NTM: variants seen among roughly 807,000 people sequenced by gnomAD.
NTM encodes the protein IgLON family member 2.
A neutral mutation model predicts 42.1 loss-of-function variants in NTM; 13 were observed. That is an observed-to-expected ratio of 0.31 (90% CI 0.20 to 0.49). The LOEUF is 0.49. Among genes scored for constraint, NTM ranks in the 20% least tolerant of loss-of-function variants. The probability of loss-of-function intolerance (pLI) is 0.99; values close to 1 mark genes in which losing one functional copy is unlikely to be tolerated. For synonymous variants in NTM, 187 were observed against 179.2 expected, an observed-to-expected ratio of 1.04 and a Z score of -0.35; for missense variants, 373 against 452.8, an observed-to-expected ratio of 0.82 and a Z score of 1.60.
intron 1 of NTM, among the ~76,000 whole-genome samples, chr11:131,600,354 A>C (rs1198233521): frequency 6.6e-6 from 1 of 152,246 alleles, no homozygotes; most frequent in Non-Finnish European, 1.5e-5. Flanking sequence ...GCTCCTGTGC[A>C]GTCTATTTGC....
chr11:132,144,292 C>T (rs2069841165), intron 2 of NTM, among the ~76,000 whole-genome samples: 1 of 152,190 alleles, frequency 6.6e-6, no homozygotes, highest in African/African-American at 2.4e-5. Context: ...ATCCAAGGCC[C>T]TACCTCAGAC....
intron 1 of NTM, among the ~76,000 whole-genome samples, chr11:131,431,932 G>T (rs1948687810): frequency 6.6e-6 from 1 of 152,126 alleles, no homozygotes; most frequent in African/African-American, 2.4e-5. Flanking sequence ...AAACTTCCCT[G>T]TTTGGAGTGG....
intron 1 of NTM, among the ~76,000 whole-genome samples, chr11:131,889,136 A>G (rs2050853941): frequency 6.6e-6 from 1 of 152,210 alleles, no homozygotes. Context: ...ATGATGGTTC[A>G]TCTCCCAAAA....
At chr11:131,582,878 C>T (rs919594918) in intron 1 of NTM, among the ~76,000 whole-genome samples, 1 of 152,118 alleles carries the variant, frequency 6.6e-6, no homozygotes, top group Non-Finnish European at 1.5e-5. Context: ...GTGAGTCCCA[C>T]GGAATCCCGC....
At chr11:131,833,477 C>T (rs771674250) in intron 1 of NTM, among the ~76,000 whole-genome samples, 9 of 152,180 alleles carry the variant, frequency 5.9e-5, no homozygotes, top group Non-Finnish European at 1.3e-4. Flanking sequence ...TATGCCTTCC[C>T]TAAGGTCACA....
At chr11:131,994,268 C>T (rs1419013536) in intron 2 of NTM, among the ~76,000 whole-genome samples, 2 of 152,022 alleles carry the variant, frequency 1.3e-5, no homozygotes, top group African/African-American at 4.8e-5. Flanking sequence ...ACTTCTTTTG[C>T]AGTCAATGAG....
rs567558603 is a variant in NTM at position 132,316,128 on chromosome 11, C to T, written c.934+1425C>T. 3.7e-3 allele frequency among the ~76,000 whole-genome samples: 556 copies of T among 151,774 alleles called. 2 individuals carry two copies. Among genetic ancestry groups the T allele is most frequent in the Middle Eastern group, 6.8e-3 (2 of 294 alleles). On this transcript the variant is annotated intron_variant, in intron 7 of 8. Transcript: ENST00000683400. The stretch of plus-strand genomic sequence containing the variant: ...GGGTAGTCTTCCCCCCGCCACCCCC[C>T]ACTTTGACCTACTCTCTCCTGACTT...
chr11:131,935,100 C>G (rs1317198823), intron 2 of NTM, among the ~76,000 whole-genome samples: 1 of 152,146 alleles, frequency 6.6e-6, no homozygotes, highest in Non-Finnish European at 1.5e-5. Flanking sequence ...GATAGGTTTG[C>G]TGGTGAAGCA....
intron 1 of NTM, among the ~76,000 whole-genome samples, chr11:131,859,152 C>A (rs2046378148): frequency 6.6e-6 from 1 of 152,184 alleles, no homozygotes; most frequent in African/African-American, 2.4e-5. Flanking sequence ...CCGAGAGACA[C>A]ATCGGGTGTC....
intron 1 of NTM, among the ~76,000 whole-genome samples, chr11:131,792,759 A>T (rs1388067990): frequency 1.3e-5 from 2 of 152,204 alleles, no homozygotes; most frequent in Non-Finnish European, 2.9e-5. Flanking sequence ...TATTGCTTTC[A>T]TCTGGCTTTC....
rs184222069 is a variant in NTM, at chr11:131,411,520, C to T, written c.82+40632C>T. 2.5e-3 allele frequency among the ~76,000 whole-genome samples: 369 copies of T among 149,780 alleles called. 3 individuals are homozygous for T. The highest frequency in any genetic ancestry group is 8.5e-3 in the African/African-American group (343 of 40,488). On this transcript the variant is annotated intron_variant, in intron 1 of 8. Coordinates refer to ENST00000683400, the MANE Select transcript of NTM (RefSeq NM_001352005.2). ...TAAGGGGATGGAGAGAAAAGGCCTCCTGAAGTATTTAGGGGGGGCCGTGTG... is the reference window on the plus strand; with the variant it reads ...TAAGGGGATGGAGAGAAAAGGCCTCTTGAAGTATTTAGGGGGGGCCGTGTG...
At chr11:132,230,624 G>A (rs1274510451) in intron 4 of NTM, among the ~76,000 whole-genome samples, 4 of 152,168 alleles carry the variant, frequency 2.6e-5, no homozygotes, top group Non-Finnish European at 4.4e-5. Flanking sequence ...CTGAGCCTTC[G>A]CCATCTCCTC....
chr11:132,272,600 AT>A (rs1384791145), intron 4 of NTM, among the ~76,000 whole-genome samples: 5 of 152,134 alleles, frequency 3.3e-5, no homozygotes, highest in African/African-American at 1.2e-4. Flanking sequence ...ATTTTATTAA[AT>A]TTATTGCTAA....
chr11:132,319,075 A>C (rs550842525), intron 7 of NTM, among the ~76,000 whole-genome samples: 12 of 152,330 alleles, frequency 7.9e-5, no homozygotes, highest in Admixed American at 5.9e-4. Context: ...CGTTTATTGA[A>C]CCTCCATGTG....
At chr11:132,328,614 C>G (rs1190001999) in intron 7 of NTM, among the ~76,000 whole-genome samples, 1 of 152,170 alleles carries the variant, frequency 6.6e-6, no homozygotes, top group African/African-American at 2.4e-5. Context: ...CCAGCACAGT[C>G]TGAACCAGTA....
chr11:131,953,275 T>C (rs1215434852), intron 2 of NTM, among the ~76,000 whole-genome samples: 1 of 152,178 alleles, frequency 6.6e-6, no homozygotes, highest in East Asian at 1.9e-4. Flanking sequence ...TTTTTCCATA[T>C]TTTTATAAGA....
intron 3 of NTM, among the ~76,000 whole-genome samples, chr11:132,197,506 A>T (rs2080442924): frequency 6.6e-6 from 1 of 151,454 alleles, no homozygotes; most frequent in Non-Finnish European, 1.5e-5. Context: ...ATTGATTTTT[A>T]ATTTTTTTAT....
intron 2 of NTM, among the ~76,000 whole-genome samples, chr11:131,996,996 G>T (rs934418990): frequency 6.6e-6 from 1 of 152,134 alleles, no homozygotes; most frequent in African/African-American, 2.4e-5. Context: ...ACAACCCATA[G>T]CCTCCATGAT....
intron 1 of NTM, among the ~76,000 whole-genome samples, chr11:131,896,655 A>C (rs372371527): frequency 2.0e-5 from 3 of 149,854 alleles, no homozygotes; most frequent in African/African-American, 7.4e-5. Flanking sequence ...CTGTGTTTAC[A>C]TGCCAAATGG....
Sources: gnomAD v4.1 joint callset for allele counts (sites outside exome capture counted in the v4.1 genomes callset) on GRCh38, gnomAD v4.1.1 for gene constraint, MANE v1.5 for transcripts, NCBI Gene and HGNC (gene_info 2026-07-23, HGNC 2026-07-21) for gene names.